DSCAML1: variants seen among roughly 807,000 people sequenced by gnomAD.
DSCAML1 encodes the protein DS cell adhesion molecule like 1, also known as cell adhesion molecule DSCAML1.
In DSCAML1, 38 loss-of-function variants were observed where a neutral mutation model predicts 200.5. The observed-to-expected ratio is 0.19, with a 90% CI of 0.15 to 0.25. DSCAML1 has a LOEUF of 0.25. DSCAML1 is among the 10% of genes least tolerant of loss of function. The probability of loss-of-function intolerance (pLI) is 1.00; values close to 1 mark genes in which losing one functional copy is unlikely to be tolerated. For missense variants in DSCAML1, 2,223 were observed against 2,858.8 expected, an observed-to-expected ratio of 0.78 and a Z score of 5.07; for synonymous variants, 1,215 against 1,165.0, an observed-to-expected ratio of 1.04 and a Z score of -0.87.
chr11:117,754,515 G>C (rs2054654643), intron 3 of DSCAML1, among the ~76,000 whole-genome samples: 1 of 152,060 alleles, frequency 6.6e-6, no homozygotes, highest in African/African-American at 2.4e-5. Context: ...CGGGGGGTGT[G>C]AGAATGGACG....
chr11:117,636,147 T>C (rs1458180217), intron 3 of DSCAML1, among the ~76,000 whole-genome samples: 1 of 152,088 alleles, frequency 6.6e-6, no homozygotes, highest in African/African-American at 2.4e-5. Context: ...TAGGGAAGGT[T>C]CGTAAGATAA....
At chr11:117,572,896 G>C (rs2050870359) in intron 3 of DSCAML1, among the ~76,000 whole-genome samples, 1 of 152,300 alleles carries the variant, frequency 6.6e-6, no homozygotes, top group South Asian at 2.1e-4. Context: ...GGTCAATCAG[G>C]CATCGCCCGG....
chr11:117,486,277 G>A (rs1399165981), intron 11 of DSCAML1, among the ~76,000 whole-genome samples: 8 of 120,172 alleles, frequency 6.7e-5, no homozygotes, highest in Admixed American at 7.8e-5. Context: ...ATGGGAAAGT[G>A]GCGGATGTGA....
At chr11:117,658,012 A>G (rs543069704) in intron 3 of DSCAML1, among the ~76,000 whole-genome samples, 1 of 152,264 alleles carries the variant, frequency 6.6e-6, no homozygotes, top group African/African-American at 2.4e-5. Flanking sequence ...GGGCTTGGTC[A>G]CTGGATGCCA....
At chr11:117,552,765 G>A (rs543940138) in intron 3 of DSCAML1, among the ~76,000 whole-genome samples, 1 of 152,282 alleles carries the variant, frequency 6.6e-6, no homozygotes, top group Admixed American at 6.5e-5. Context: ...TGGAAGTGGC[G>A]GGCCAGGGCT....
chr11:117,496,850 C>T (rs1045208501), intron 11 of DSCAML1, among the ~76,000 whole-genome samples: 1 of 152,184 alleles, frequency 6.6e-6, no homozygotes, highest in African/African-American at 2.4e-5. Flanking sequence ...GGGACCAGGG[C>T]GAGGATGGAG....
At chr11:117,522,768 G>A (rs2049906027) in intron 5 of DSCAML1, among the ~76,000 whole-genome samples, 1 of 152,198 alleles carries the variant, frequency 6.6e-6, no homozygotes, top group South Asian at 2.1e-4. Context: ...GTGTGGGCTT[G>A]GCACAGGTTA....
rs572641245 is a variant in DSCAML1, at chr11:117,461,517, C to G, written c.3345G>C (p.Pro1115=). The G allele has an allele frequency of 1.2e-6, 2 of 1,614,150 alleles. No homozygotes were observed. Among genetic ancestry groups the G allele is most frequent in the South Asian group, 1.1e-5 (1 of 91,078 alleles). ...TGAGGACGCCATTGAGGGTGCTGCG[C>G]GGGGGCTCTGACCAGGAGATGACGG... is the stretch of plus-strand genomic sequence containing the variant. ...DVAVISWSEP[P]RSTLNGVLKG... The change falls in exon 18 of 33, where the codon CCG becomes CCC. Residue 1115 remains proline (P), a synonymous_variant. Transcript: ENST00000651296.
At chr11:117,512,407 TG>T (rs1279790362) in intron 8 of DSCAML1, among the ~76,000 whole-genome samples, 3 of 152,102 alleles carry the variant, frequency 2.0e-5, no homozygotes, top group Non-Finnish European at 4.4e-5. Flanking sequence ...TCAGCTCTGA[TG>T]GTTCTTCTGC....
rs146418110 is a variant in DSCAML1, at chr11:117,762,383, C to T, written c.511+14408G>A. Reference sequence around the variant, plus strand: ...AGTGCCTGGCATAGTGTCTGGTCCACAGTCCAGAAGCTGAATAAATTCTGC... The same window carrying T: ...AGTGCCTGGCATAGTGTCTGGTCCATAGTCCAGAAGCTGAATAAATTCTGC... On this transcript the variant is annotated intron_variant, in intron 3 of 32. Transcript: ENST00000651296. 8.6e-3 allele frequency among the ~76,000 whole-genome samples: 1,306 copies of T among 152,306 alleles called. 25 individuals are homozygous for T. Among genetic ancestry groups the T allele is most frequent in the African/African-American group, 0.03 (1,259 of 41,554 alleles).
chr11:117,657,456 G>A (rs778246554), intron 3 of DSCAML1, among the ~76,000 whole-genome samples: 12 of 152,182 alleles, frequency 7.9e-5, no homozygotes, highest in East Asian at 5.8e-4. Flanking sequence ...AGGAAAAAGC[G>A]TGTCTCTCCT....
Position 117,709,880 on chromosome 11 carries a change from T to C in DSCAML1, c.511+66911A>G, listed in dbSNP as rs374228720. 3.3e-4 allele frequency: 137 copies of C among 416,122 alleles called. No individual in the cohort carries two copies. The East Asian group carries it at 5.6e-3, about 17-fold the overall frequency. 25.8% of individuals were successfully genotyped at this position (416,122 alleles called of 1,614,324 possible). A position where few individuals can be genotyped will look rare whatever the true frequency, so the allele number is the denominator to read the frequency against. On this transcript the variant is annotated intron_variant, in intron 3 of 32. Coordinates refer to ENST00000651296, the MANE Select transcript of DSCAML1 (RefSeq NM_020693.4). The stretch of plus-strand genomic sequence containing the variant: ...AAGATAAGACTGGCCATGAGACAGG[T>C]CCAGACAGAAGGAGCAGGGGCCTGG...
intron 17 of DSCAML1, 87 bp from the exon 18 acceptor site, chr11:117,461,683 C>A: frequency 7.4e-7 from 1 of 1,359,904 alleles, no homozygotes; most frequent in Admixed American, 1.9e-5. Context: ...CTGGGTCCCG[C>A]AGTCCAACCA....
chr11:117,793,518 G>C (rs1385312138), intron 1 of DSCAML1, among the ~76,000 whole-genome samples: 2 of 152,176 alleles, frequency 1.3e-5, no homozygotes, highest in Non-Finnish European at 2.9e-5. Flanking sequence ...AAGACACAGA[G>C]AAGGTCAGGA....
intron 3 of DSCAML1, among the ~76,000 whole-genome samples, chr11:117,756,293 A>G (rs2054692249): frequency 1.3e-5 from 2 of 152,044 alleles, no homozygotes; most frequent in African/African-American, 4.8e-5. Flanking sequence ...CTCCCAAAAA[A>G]CCTTCAGGAA....
chr11:117,524,262 C>A (rs960253674), intron 5 of DSCAML1, among the ~76,000 whole-genome samples: 8 of 152,210 alleles, frequency 5.3e-5, no homozygotes, highest in African/African-American at 1.7e-4. Flanking sequence ...GCTGGAAGGT[C>A]CTGGCAGAGA....
At chr11:117,452,179 T>A (rs1244586392) in intron 19 of DSCAML1, among the ~76,000 whole-genome samples, 1 of 152,230 alleles carries the variant, frequency 6.6e-6, no homozygotes, top group African/African-American at 2.4e-5. Context: ...CCTTGCATAC[T>A]TTTTTCCTAT....
At chr11:117,683,235 G>A (rs139885909) in intron 3 of DSCAML1, among the ~76,000 whole-genome samples, 16 of 152,350 alleles carry the variant, frequency 1.1e-4, no homozygotes, top group African/African-American at 3.8e-4. Context: ...GGTCTGAAAA[G>A]AGGGAGTGCC....
intron 11 of DSCAML1, among the ~76,000 whole-genome samples, chr11:117,488,392 C>G (rs80344165): frequency 6.6e-5 from 10 of 152,184 alleles, no homozygotes; most frequent in Non-Finnish European, 1.2e-4. Flanking sequence ...TTCATTGAGT[C>G]GCAGTAATAA....
Sources: gnomAD v4.1 joint callset for allele counts (sites outside exome capture counted in the v4.1 genomes callset) on GRCh38, gnomAD v4.1.1 for gene constraint, MANE v1.5 for transcripts, NCBI Gene and HGNC (gene_info 2026-07-23, HGNC 2026-07-21) for gene names.